Variants in KIFC3 observed in about 807,000 individuals in gnomAD.
The protein encoded by KIFC3 is kinesin family member C3.
Under a neutral mutation model 101.8 loss-of-function variants are expected in KIFC3, and 60 were observed. The observed-to-expected ratio is 0.59, with a 90% CI of 0.48 to 0.73. The LOEUF (loss-of-function observed/expected upper bound fraction) is 0.73, where lower values mean the gene tolerates loss of function less well. Among genes scored for constraint, KIFC3 ranks in the 30% least tolerant of loss-of-function variants. The pLI is 0.00. For synonymous variants in KIFC3, 476 were observed against 482.7 expected (o/e 0.99, Z 0.18); for missense variants, 966 against 1,137.1 (o/e 0.85, Z 2.16).
upstream of KIFC3, chr16:57,803,380 C>T (rs2054851099): frequency 6.8e-6 from 4 of 584,406 alleles, no homozygotes; most frequent in Non-Finnish European, 1.3e-5. Flanking sequence ...CTCCCTCACT[C>T]TCCACACCCC....
At chr16:57,775,045 C>T in intron 3 of KIFC3, 1 of 1,521,896 alleles carries the variant, frequency 6.6e-7, no homozygotes, top group Non-Finnish European at 8.8e-7. Flanking sequence ...GTGGGGTTTG[C>T]CAGTGTTTGC....
chr16:57,767,079 C>A, intron 9 of KIFC3, 94 bp from the exon 10 acceptor site: 1 of 944,892 alleles, frequency 1.1e-6, no homozygotes, highest in South Asian at 1.4e-5. Flanking sequence ...TGCCTCCTGC[C>A]CCTGGCTGAG....
chr16:57,771,435 C>T lies in KIFC3; in HGVS notation c.528G>A (p.Glu176=), dbSNP rs944305054. The change falls in exon 6 of 20, where the codon GAG becomes GAA. Residue 176 remains glutamate (E), a splice_region_variant and synonymous_variant. Transcript: ENST00000445690. ...GPCPGCEHSQ[E]SAQLRDKLSQ... is the part of the protein sequence containing the mutation. ...ACAGCTTGTCACGGAGCTGGGCGCT[C>T]TCCTGCAGCCATTGGGAGGCACTGG... 4 of 1,613,458 alleles carry T rather than the reference C, an allele frequency of 2.5e-6. No individual in the cohort carries two copies. The South Asian group carries it at 3.3e-5, about 13-fold the overall frequency.
chr16:57,777,259 G>C (rs1555612257), intron 3 of KIFC3, among the ~76,000 whole-genome samples: 1 of 152,132 alleles, frequency 6.6e-6, no homozygotes, highest in African/African-American at 2.4e-5. Context: ...TATTGATAAG[G>C]TGTCAGTACT....
chr16:57,815,371 T>G, intron 1 of KIFC3: 1 of 1,084,990 alleles, frequency 9.2e-7, no homozygotes, highest in South Asian at 1.8e-5. Flanking sequence ...CACAGGTACA[T>G]CTCTGTGCTT....
chr16:57,821,802 C>T (rs2055357005), intron 1 of KIFC3, among the ~76,000 whole-genome samples: 1 of 152,150 alleles, frequency 6.6e-6, no homozygotes, highest in Admixed American at 6.5e-5. Context: ...AGTCCCAGCA[C>T]TTTGGGAGGC....
chr16:57,858,883 A>G (rs1441072964), intron 1 of KIFC3, among the ~76,000 whole-genome samples: 1 of 152,112 alleles, frequency 6.6e-6, no homozygotes, highest in African/African-American at 2.4e-5. Context: ...TGGGGAAATC[A>G]ATGCCGCAGT....
chr16:57,762,320 G>A (rs371345706), intron 12 of KIFC3, 50 bp from the exon 13 acceptor site: 242 of 1,453,792 alleles, frequency 1.7e-4, no homozygotes, highest in East Asian at 3.1e-4. Flanking sequence ...CCCCAAAGAC[G>A]CTCGTGTGGT....
At chr16:57,797,883 C>A in intron 2 of KIFC3, 189 bp downstream of exon 2, 1 of 1,468,722 alleles carries the variant, frequency 6.8e-7, no homozygotes. Context: ...CAGACAGGGG[C>A]GCAGGGAAGG....
At chr16:57,775,539 G>A in intron 3 of KIFC3, 1 of 986,596 alleles carries the variant, frequency 1.0e-6, no homozygotes, top group Non-Finnish European at 1.2e-6. Context: ...GGCACCTGGG[G>A]AAAGCGGATG....
rs371159894 is a variant in KIFC3 at position 57,758,887 on chromosome 16, C to T, written c.*47G>A. 7 of 1,594,088 alleles carry T rather than the reference C, an allele frequency of 4.4e-6. No homozygotes were observed. Among genetic ancestry groups the T allele is most frequent in the African/African-American group, 1.3e-5 (1 of 74,424 alleles). ...AGGCCCAGCGGGGTCACATCCGTCA[C>T]ACAGGCAGTGGCCGCGACTTCCCTG... On this transcript the variant is annotated 3_prime_UTR_variant, in exon 20 of 20. Transcript: ENST00000445690.
In KIFC3 at chr16:57,849,717, G is replaced by A. The variant is rs551106344; in HGVS notation, c.108+13012C>T. Among the ~76,000 whole-genome samples the A allele has an allele frequency of 1.9e-3, 284 of 152,120 alleles. 1 individual carries two copies. The highest frequency in any genetic ancestry group is 2.2e-3 in the Non-Finnish European group (149 of 67,988). Reference sequence around the variant, plus strand: ...CTGGAGTTCAAGACCAGCCTGGCCAGCATGATAAAACCCCATCTCTACTAA... The same window carrying A: ...CTGGAGTTCAAGACCAGCCTGGCCAACATGATAAAACCCCATCTCTACTAA... On this transcript the variant is annotated intron_variant, in intron 1 of 2. Coordinates refer to the KIFC3 transcript ENST00000563028.
At chr16:57,837,885 GGA>G (rs2055728118) in intron 1 of KIFC3, among the ~76,000 whole-genome samples, 2 of 152,164 alleles carry the variant, frequency 1.3e-5, no homozygotes, top group Admixed American at 6.6e-5. Context: ...CTTGCTGCGT[GGA>G]TGGGATGCTG....
chr16:57,778,171 T>A (rs1306772090), intron 3 of KIFC3, among the ~76,000 whole-genome samples: 1 of 152,052 alleles, frequency 6.6e-6, no homozygotes, highest in African/African-American at 2.4e-5. Context: ...TCCCAGCTAC[T>A]AGGGAGGCTG....
At chr16:57,830,052 C>A (rs1172600143) in intron 1 of KIFC3, among the ~76,000 whole-genome samples, 4 of 152,062 alleles carry the variant, frequency 2.6e-5, no homozygotes, top group African/African-American at 9.7e-5. Context: ...TGAAAGAAAA[C>A]AATTGACAGC....
At chr16:57,768,067 G>A (rs962835854) in intron 9 of KIFC3, among the ~76,000 whole-genome samples, 22 of 152,088 alleles carry the variant, frequency 1.4e-4, no homozygotes, top group Non-Finnish European at 2.1e-4. Context: ...GGCTCATGCC[G>A]GTAATGCCAG....
intron 17 of KIFC3, 71 bp from the exon 18 acceptor site, chr16:57,759,907 C>T: frequency 8.4e-7 from 1 of 1,188,880 alleles, no homozygotes; most frequent in Non-Finnish European, 1.2e-6. Context: ...GTGCTTCTCT[C>T]TACTCCCCTG....
intron 1 of KIFC3, among the ~76,000 whole-genome samples, chr16:57,831,779 G>T (rs1555479342): frequency 6.6e-6 from 1 of 152,182 alleles, no homozygotes; most frequent in Non-Finnish European, 1.5e-5. Context: ...AACAATGAGG[G>T]CCTAGACTTT....
chr16:57,851,883 G>A (rs942587069), intron 1 of KIFC3, among the ~76,000 whole-genome samples: 1 of 152,122 alleles, frequency 6.6e-6, no homozygotes, highest in South Asian at 2.1e-4. Flanking sequence ...GGGATTACAG[G>A]CATGTACCAC....
Sources: gnomAD v4.1 joint callset for allele counts (sites outside exome capture counted in the v4.1 genomes callset) on GRCh38, gnomAD v4.1.1 for gene constraint, MANE v1.5 for transcripts, NCBI Gene and HGNC (gene_info 2026-07-23, HGNC 2026-07-21) for gene names.